Variants in MYSM1 observed in about 807,000 individuals in gnomAD.
MYSM1 encodes the protein Myb like, SWIRM and MPN domains 1, also known as deubiquitinase MYSM1.
Under a neutral mutation model 116.0 loss-of-function variants are expected in MYSM1, and 51 were observed. The ratio of observed to expected loss-of-function variants is 0.44; its 90% confidence interval spans 0.35 to 0.56. The LOEUF is 0.56. Ranked by LOEUF, MYSM1 falls within the 20% of genes least tolerant of loss-of-function variation. The probability of loss-of-function intolerance (pLI) is 0.00; values close to 1 mark genes in which losing one functional copy is unlikely to be tolerated. For synonymous variants in MYSM1, 313 were observed against 315.2 expected (o/e 0.99, Z 0.07); for missense variants, 900 against 974.9 (o/e 0.92, Z 1.02).
At chr1:58,679,767 C>A (rs1002200761) in intron 8 of MYSM1, among the ~76,000 whole-genome samples, 1 of 152,188 alleles carries the variant, frequency 6.6e-6, no homozygotes, top group Non-Finnish European at 1.5e-5. Context: ...GTGGCTCACA[C>A]CTGTAATCCC....
intron 1 of MYSM1, among the ~76,000 whole-genome samples, chr1:58,696,476 T>C (rs2811893): frequency 0.39 from 58,945 of 151,988 alleles, 11,566 homozygotes; most frequent in Middle Eastern, 0.56. Flanking sequence ...ATCTCCGTAG[T>C]TATCCAAGCC....
chr1:58,690,819 G>A (rs1298885250), intron 3 of MYSM1, among the ~76,000 whole-genome samples: 3 of 152,130 alleles, frequency 2.0e-5, no homozygotes, highest in Non-Finnish European at 4.4e-5. Context: ...AAAACATATG[G>A]AGAATGTAAT....
intron 17 of MYSM1, among the ~76,000 whole-genome samples, chr1:58,665,154 A>G (rs1644449135): frequency 6.6e-6 from 1 of 152,152 alleles, no homozygotes; most frequent in South Asian, 2.1e-4. Context: ...ATCACAGAGA[A>G]AGCCAGTCTG....
chr1:58,678,139 G>T (rs1644681310), intron 8 of MYSM1, among the ~76,000 whole-genome samples: 1 of 152,140 alleles, frequency 6.6e-6, no homozygotes, highest in South Asian at 2.1e-4. Context: ...AGGTCAAGGG[G>T]ATAGAGTGGG....
Position 58,682,437 on chromosome 1 carries a change from C to G in MYSM1, c.607G>C (p.Gly203Arg), listed in dbSNP as rs745306056. Residue 203 changes from glycine to arginine, a missense_variant, in exon 8 of 20, where the codon GGA becomes CGA. Physicochemically the swap from Gly to Arg is moderately radical, Grantham distance 125 (BLOSUM62 -2). Coordinates refer to ENST00000472487, the MANE Select transcript of MYSM1 (RefSeq NM_001085487.3). ...GCATTCAAGTTGGGATCAGCACGTC[C>G]CCTTAAACATGATGGTGTCCATGCC... ...TKAWTPSCLR[G>R]RADPNLNAVK... is the part of the protein sequence containing the mutation. The G allele has an allele frequency of 6.2e-7, 1 of 1,614,090 alleles. No homozygotes were observed. The highest frequency in any genetic ancestry group is 1.7e-5 in the Admixed American group (1 of 60,010).
At position 58,668,978 on chromosome 1, in the gene MYSM1, T is replaced by C. The variant is rs181879578; in HGVS notation, c.1716+6A>G. On this transcript the variant is annotated splice_donor_region_variant and intron_variant, in intron 13 of 19. Transcript: ENST00000472487. ...CTACTGTCATTCATTAATGCATAAA[T>C]AGTACCTGCTTTTCTTCACTAAAAA... 7.5e-4 allele frequency: 1,194 copies of C among 1,597,736 alleles called. 7 individuals carry two copies. The African/African-American group carries it at 0.014, about 19-fold the overall frequency.
intron 1 of MYSM1, among the ~76,000 whole-genome samples, chr1:58,698,048 T>C (rs571709695): frequency 2.2e-5 from 3 of 136,736 alleles, no homozygotes; most frequent in South Asian, 2.3e-4. Context: ...TTCCATACGG[T>C]TGGAGCTCCA....
intron 17 of MYSM1, among the ~76,000 whole-genome samples, chr1:58,662,491 T>TCATA (rs1158819831): frequency 6.8e-6 from 1 of 146,626 alleles, no homozygotes; most frequent in Non-Finnish European, 1.5e-5. Context: ...GGACACTACG[T>TCATA]CATAGAAAGG....
At chr1:58,687,819 T>C (rs1320651277) in intron 6 of MYSM1, among the ~76,000 whole-genome samples, 1 of 151,388 alleles carries the variant, frequency 6.6e-6, no homozygotes, top group Admixed American at 6.6e-5. Flanking sequence ...TGCCGATACC[T>C]ATAAATTGCC....
chr1:58,682,619 G>GTT (rs1644763651), intron 7 of MYSM1, 74 bp from the exon 8 acceptor site: 2 of 1,332,632 alleles, frequency 1.5e-6, no homozygotes, highest in Middle Eastern at 3.9e-4. Context: ...CACAAAAAAG[G>GTT]ATAAATATAC....
intron 1 of MYSM1, among the ~76,000 whole-genome samples, chr1:58,699,318 A>C (rs762886517): frequency 1.3e-5 from 2 of 152,352 alleles, no homozygotes; most frequent in African/African-American, 4.8e-5. Context: ...CACCTACCGT[A>C]TGCTAAAGCA....
At chr1:58,683,993 GAGTA>G (rs775524385) in intron 7 of MYSM1, among the ~76,000 whole-genome samples, 3 of 152,026 alleles carry the variant, frequency 2.0e-5, no homozygotes, top group Non-Finnish European at 4.4e-5. Flanking sequence ...GGAAGCCTAA[GAGTA>G]AGAATAACCA....
intron 17 of MYSM1, among the ~76,000 whole-genome samples, chr1:58,662,462 C>CTT (rs5774420): frequency 5.8e-4 from 63 of 109,150 alleles, no homozygotes; most frequent in Middle Eastern, 4.6e-3. Flanking sequence ...TCACCCCCCC[C>CTT]TTTTTTTTTT....
intron 6 of MYSM1, among the ~76,000 whole-genome samples, chr1:58,685,802 CTT>C (rs1013680961): frequency 4.6e-5 from 7 of 152,212 alleles, no homozygotes; most frequent in African/African-American, 1.7e-4. Context: ...CAAATGTCTT[CTT>C]TGTTAAGATG....
chr1:58,698,791 C>T (rs1001699723), intron 1 of MYSM1, among the ~76,000 whole-genome samples: 15 of 152,158 alleles, frequency 9.9e-5, no homozygotes, highest in Non-Finnish European at 2.1e-4. Context: ...ATTAAGGGCT[C>T]CCTACTCATC....
In MYSM1 at chr1:58,681,837, C is replaced by T. The variant is rs761250576; in HGVS notation, c.1207G>A (p.Ala403Thr). The change falls in exon 8 of 20, where the codon GCT (alanine) becomes ACT (threonine). Residue 403 changes from alanine (A) to threonine (T), a missense_variant. Ala to Thr is a moderately conservative substitution (Grantham distance 58). Coordinates refer to ENST00000472487, the MANE Select transcript of MYSM1 (RefSeq NM_001085487.3). ...TTCAAATAGCGTTCTGGTGTTTTAG[C>T]TTGGCGCCCCTCAAAAAACTCAGGA... ...AIPEFFEGRQ[A>T]KTPERYLKIR... 6.2e-7 allele frequency: 1 copy of T among 1,609,886 alleles called. No homozygotes were observed. Among genetic ancestry groups the T allele is most frequent in the Non-Finnish European group, 8.5e-7 (1 of 1,179,072 alleles).
rs1306554256 is a variant in MYSM1, at chr1:58,661,077, C to T, written c.2328+93G>A. 19 of 864,950 alleles carry T rather than the reference C, an allele frequency of 2.2e-5. No homozygotes were observed. In the South Asian group the frequency reaches 2.4e-4, roughly 11 times the overall value. 53.6% of individuals were successfully genotyped at this position (864,950 alleles called of 1,614,324 possible). On this transcript the variant is annotated intron_variant, in intron 19 of 19. Coordinates refer to ENST00000472487, the MANE Select transcript of MYSM1 (RefSeq NM_001085487.3). ...ATAAAAGAAATATACAGAAAATTAT[C>T]CACAAAGTATTAGGCATCATGGGAA...
chr1:58,690,199 T>A (rs1644884094), intron 5 of MYSM1, 27 bp downstream of exon 5: 1 of 1,467,912 alleles, frequency 6.8e-7, no homozygotes, highest in Admixed American at 2.4e-5. Context: ...GAAAACAGAT[T>A]TATAAATATA....
Position 58,692,911 on chromosome 1 carries a change from G to A in MYSM1, c.168C>T (p.Thr56=), listed in dbSNP as rs1441584614. The A allele has an allele frequency of 1.2e-6, 2 of 1,607,628 alleles. No homozygotes were observed. Among genetic ancestry groups the A allele is most frequent in the African/African-American group, 2.7e-5 (2 of 74,424 alleles). The change falls in exon 3 of 20, where the codon ACC becomes ACT. Residue 56 remains threonine, a synonymous_variant. Coordinates refer to ENST00000472487, the MANE Select transcript of MYSM1 (RefSeq NM_001085487.3). ...TAACAGCTCTGTTCTCTTCACTGAT[G>A]GTGTTATCCAAGGTCCAAGGCTATT... ...NGLIPWTLDN[T]ISEENRAVIE... is the part of the protein sequence containing the mutation.
Sources: allele counts gnomAD v4.1 joint callset (sites outside exome capture counted in the v4.1 genomes callset), GRCh38; gene constraint gnomAD v4.1.1; transcripts MANE v1.5; gene names NCBI Gene and HGNC (gene_info 2026-07-23, HGNC 2026-07-21).